The following CD86 variants were observed in gnomAD, a reference collection of about 807,000 sequenced individuals.
The protein encoded by CD86 is T-lymphocyte activation antigen CD86.
CD86 carries 11 observed loss-of-function variants against 32.1 expected under a neutral mutation model. The ratio of observed to expected loss-of-function variants is 0.34; its 90% confidence interval spans 0.22 to 0.57. The LOEUF is 0.57. Ranked by LOEUF, CD86 falls within the 20% of genes least tolerant of loss-of-function variation. The pLI, the probability that CD86 is intolerant of heterozygous loss-of-function variation, is 0.86. For missense variants in CD86, 359 were observed against 398.4 expected, an observed-to-expected ratio of 0.90 and a Z score of 0.84; for synonymous variants, 137 against 135.3, an observed-to-expected ratio of 1.01 and a Z score of -0.09.
chr3:122,096,232 GT>G (rs374712951), intron 2 of CD86, among the ~76,000 whole-genome samples: 11 of 151,872 alleles, frequency 7.2e-5, no homozygotes, highest in African/African-American at 2.2e-4. Context: ...TGCCTGGCTA[GT>G]TTTTTTTGTT....
intron 1 of CD86, among the ~76,000 whole-genome samples, chr3:122,056,076 T>C (rs2072229523): frequency 6.6e-6 from 1 of 152,208 alleles, no homozygotes; most frequent in South Asian, 2.1e-4. Flanking sequence ...GGTACTTTAC[T>C]AGTGCTATTT....
intron 1 of CD86, among the ~76,000 whole-genome samples, chr3:122,071,187 G>A (rs2072483938): frequency 6.6e-6 from 1 of 151,946 alleles, no homozygotes; most frequent in Admixed American, 6.6e-5. Flanking sequence ...ACAGTTCTAT[G>A]GATTTTGACA....
At chr3:122,060,893 C>CGAAAACAAGCCCA (rs1363389446) in intron 1 of CD86, among the ~76,000 whole-genome samples, 10 of 151,962 alleles carry the variant, frequency 6.6e-5, no homozygotes, top group Non-Finnish European at 1.5e-4. Context: ...AGAGGAATTT[C>CGAAAACAAGCCCA]AGGGATCATT....
intron 1 of CD86, among the ~76,000 whole-genome samples, chr3:122,060,017 A>G (rs1272666931): frequency 1.3e-5 from 2 of 152,206 alleles, no homozygotes; most frequent in East Asian, 3.9e-4. Context: ...AAAAAAAATA[A>G]ATTTTTTTTG....
intron 1 of CD86, among the ~76,000 whole-genome samples, chr3:122,061,710 G>A (rs1034358390): frequency 1.3e-5 from 2 of 152,144 alleles, no homozygotes; most frequent in African/African-American, 2.4e-5. Flanking sequence ...GGCAGGATGC[G>A]GAGAAACTGG....
rs533612699 is a variant in CD86, at chr3:122,073,468, G to A, written c.14+17965G>A. 5.3e-5 allele frequency among the ~76,000 whole-genome samples: 8 copies of A among 152,040 alleles called. No homozygotes were observed. In the East Asian group the frequency reaches 5.8e-4, roughly 11 times the overall value. On this transcript the variant is annotated intron_variant, in intron 1 of 6. Coordinates refer to ENST00000330540, the MANE Select transcript of CD86 (RefSeq NM_175862.5). ...AAATATTTTTTCCCCAATCTTTGGC[G>A]TGTCTTTTTATTCATATAATGGTTG... is the stretch of plus-strand genomic sequence containing the variant.
At chr3:122,076,493 T>A (rs2072557460) in intron 1 of CD86, among the ~76,000 whole-genome samples, 1 of 152,176 alleles carries the variant, frequency 6.6e-6, no homozygotes, top group Non-Finnish European at 1.5e-5. Flanking sequence ...AAACCCCAGG[T>A]GGGATCTATC....
chr3:122,084,936 T>C (rs943846663), intron 1 of CD86, among the ~76,000 whole-genome samples: 2 of 152,204 alleles, frequency 1.3e-5, no homozygotes, highest in African/African-American at 4.8e-5. Flanking sequence ...CTGGTCCTGT[T>C]ATGGGCTCTC....
chr3:122,063,617 CAG>C (rs2072370125), intron 1 of CD86, among the ~76,000 whole-genome samples: 1 of 143,204 alleles, frequency 7.0e-6, no homozygotes, highest in Admixed American at 7.1e-5. Flanking sequence ...TTTTTAAAGA[CAG>C]AGTCTCACTC....
intron 2 of CD86, among the ~76,000 whole-genome samples, chr3:122,101,505 AAAAAAAAAATATAT>A (rs1442462119): frequency 0.021 from 972 of 45,488 alleles, 20 homozygotes; most frequent in East Asian, 0.085. Flanking sequence ...GAAAAAAAAA[AAAAAAAAAATATAT>A]ATATATATAT....
intron 1 of CD86, among the ~76,000 whole-genome samples, chr3:122,081,200 C>T (rs2072629281): frequency 6.6e-6 from 1 of 152,208 alleles, no homozygotes; most frequent in Non-Finnish European, 1.5e-5. Context: ...TATCCAAAGA[C>T]AACCTCTGCT....
At chr3:122,068,183 A>T (rs2072440717) in intron 1 of CD86, among the ~76,000 whole-genome samples, 1 of 152,142 alleles carries the variant, frequency 6.6e-6, no homozygotes, top group African/African-American at 2.4e-5. Flanking sequence ...TATATACCCC[A>T]ATCTATTTTA....
chr3:122,108,916 G>A (rs775511797), intron 4 of CD86, among the ~76,000 whole-genome samples: 5 of 152,140 alleles, frequency 3.3e-5, no homozygotes, highest in African/African-American at 4.8e-5. Context: ...TAGCAGGCAC[G>A]GCACAAATGA....
intron 5 of CD86, among the ~76,000 whole-genome samples, chr3:122,116,260 T>C (rs2073248397): frequency 6.6e-6 from 1 of 152,216 alleles, no homozygotes; most frequent in African/African-American, 2.4e-5. Context: ...AAAGGACTTG[T>C]ATCCAGTATA....
rs549695069 is a variant in CD86, at chr3:122,115,348, G to C, written c.848-2700G>C. Among the ~76,000 whole-genome samples the C allele has an allele frequency of 5.3e-5, 8 of 152,128 alleles. 1 individual carries two copies. Among genetic ancestry groups the C allele is most frequent in the African/African-American group, 1.9e-4 (8 of 41,502 alleles). ...TGAAAACTATACAATATTACTACTG[G>C]AGAAATTAAAGTAAACCAAAATAAA... On this transcript the variant is annotated intron_variant, in intron 5 of 6. Transcript: ENST00000330540.
Position 122,103,803 on chromosome 3 carries a change from G to A in CD86, c.356G>A (p.Gly119Glu), listed in dbSNP as rs1376715203. ...ATCATCCATCACAAAAAGCCCACAG[G>A]AATGATTCGCATCCACCAGATGAAT... ...QCIIHHKKPT[G>E]MIRIHQMNSE... The change falls in exon 3 of 7, where the codon GGA becomes GAA. Residue 119 changes from glycine to glutamate, a missense_variant. Transcript: ENST00000330540. The A allele has an allele frequency of 6.2e-7, 1 of 1,613,972 alleles. No homozygotes were observed.
chr3:122,088,201 T>C (rs894834156), intron 1 of CD86, among the ~76,000 whole-genome samples: 2 of 150,874 alleles, frequency 1.3e-5, no homozygotes, highest in African/African-American at 4.9e-5. Flanking sequence ...TTTTTTTTTT[T>C]TGTAGTAGCC....
intron 3 of CD86, among the ~76,000 whole-genome samples, chr3:122,104,659 T>G (rs1279117084): frequency 6.6e-6 from 1 of 152,212 alleles, no homozygotes; most frequent in African/African-American, 2.4e-5. Flanking sequence ...TCCTATAGTT[T>G]TGTCTTTTTG....
intron 5 of CD86, among the ~76,000 whole-genome samples, chr3:122,111,219 A>G (rs1416694970): frequency 5.3e-5 from 8 of 152,208 alleles, no homozygotes; most frequent in Admixed American, 5.2e-4. Context: ...GTAGGGAGGG[A>G]GGTGCAACAG....
Sources: allele counts gnomAD v4.1 joint callset (sites outside exome capture counted in the v4.1 genomes callset), GRCh38; gene constraint gnomAD v4.1.1; transcripts MANE v1.5; gene names NCBI Gene and HGNC (gene_info 2026-07-23, HGNC 2026-07-21).